The following HDAC9 variants were observed in gnomAD, a reference collection of about 807,000 sequenced individuals.
HDAC9 encodes the protein MEF-2 interacting transcription repressor (MITR) protein.
In HDAC9, 41 loss-of-function variants were observed where a neutral mutation model predicts 139.4. That is an observed-to-expected ratio of 0.29 (90% confidence interval 0.23 to 0.38). The LOEUF is 0.38. HDAC9 is among the 10% of genes least tolerant of loss of function. The pLI is 1.00. For synonymous variants in HDAC9, 517 were observed against 476.2 expected, an observed-to-expected ratio of 1.09 and a Z score of -1.12; for missense variants, 1,147 against 1,297.0, an observed-to-expected ratio of 0.88 and a Z score of 1.78.
chr7:18,984,759 C>G (rs1028042926), intron 25 of HDAC9, among the ~76,000 whole-genome samples: 5 of 152,106 alleles, frequency 3.3e-5, no homozygotes, highest in Non-Finnish European at 7.4e-5. Context: ...TTGAAGGTGA[C>G]TATGTATTGT....
In HDAC9 at chr7:18,783,802, G is replaced by T. The variant is rs78823388; in HGVS notation, c.2215-9543G>T. Among the ~76,000 whole-genome samples, 1,259 of 152,052 alleles carry T rather than the reference G, an allele frequency of 8.3e-3. 15 individuals carry two copies. The highest frequency in any genetic ancestry group is 0.029 in the African/African-American group (1,210 of 41,502). On this transcript the variant is annotated intron_variant, in intron 16 of 25. Transcript: ENST00000686413. ...TACATAGATTTCTCTTAGCTTGGCT[G>T]GGGATTTTTAAGTGAATTATTGTCA...
intron 16 of HDAC9, among the ~76,000 whole-genome samples, chr7:18,784,117 GTAT>G (rs796864616): frequency 1.3e-4 from 13 of 98,530 alleles, no homozygotes; most frequent in East Asian, 1.3e-3. Context: ...GTCTTTCTGG[GTAT>G]TATTATTATT....
intron 23 of HDAC9, among the ~76,000 whole-genome samples, chr7:18,940,448 CAA>C (rs1781951024): frequency 6.6e-6 from 1 of 151,988 alleles, no homozygotes; most frequent in African/African-American, 2.4e-5. Context: ...TTTTTCTTGG[CAA>C]AGTTTAGAAC....
intron 23 of HDAC9, chr7:18,949,475 G>A (rs1336563003): frequency 4.6e-6 from 1 of 218,312 alleles, no homozygotes; most frequent in Non-Finnish European, 9.7e-6. Context: ...ACCATAGGTG[G>A]TGGTATTTCA....
chr7:18,643,895 G>A (rs1231608767), intron 8 of HDAC9, among the ~76,000 whole-genome samples: 2 of 151,902 alleles, frequency 1.3e-5, no homozygotes, highest in African/African-American at 4.8e-5. Flanking sequence ...AACTCTTATT[G>A]TATAAAAGTT....
intron 7 of HDAC9, among the ~76,000 whole-genome samples, chr7:18,631,234 G>A (rs538541739): frequency 7.9e-5 from 12 of 152,108 alleles, no homozygotes; most frequent in African/African-American, 2.6e-4. Flanking sequence ...TCTTAATTTC[G>A]TGAGATAAGC....
chr7:18,890,495 C>T lies in HDAC9; in HGVS notation c.2803+15899C>T, dbSNP rs190194558. Among the ~76,000 whole-genome samples, 27 of 152,240 alleles carry T rather than the reference C, an allele frequency of 1.8e-4. No individual in the cohort carries two copies. In the East Asian group the frequency reaches 4.1e-3, roughly 23 times the overall value. ...GTAACAAGGAGTCAGTTTTGATAGC[C>T]AAGCACACGTAAATAGTACAGGTTT... On this transcript the variant is annotated intron_variant, in intron 22 of 25. Coordinates refer to ENST00000686413, the MANE Select transcript of HDAC9 (RefSeq NM_178425.4).
intron 1 of HDAC9, among the ~76,000 whole-genome samples, chr7:18,122,879 A>G (rs112163696): frequency 1.5e-3 from 226 of 152,288 alleles, no homozygotes; most frequent in African/African-American, 5.1e-3. Flanking sequence ...TCAGCCTCCC[A>G]AAGTGCTCAG....
At chr7:18,993,895 G>A (rs547437458) in intron 25 of HDAC9, among the ~76,000 whole-genome samples, 2 of 152,046 alleles carry the variant, frequency 1.3e-5, no homozygotes, top group Non-Finnish European at 2.9e-5. Flanking sequence ...AGCTATAAGT[G>A]GTTTATTCCA....
chr7:18,550,371 A>G (rs1019992790), intron 2 of HDAC9, among the ~76,000 whole-genome samples: 22 of 152,110 alleles, frequency 1.4e-4, no homozygotes, highest in African/African-American at 4.8e-4. Context: ...GTTCCATTCT[A>G]TGCAATAAAT....
intron 12 of HDAC9, chr7:18,667,341 A>G: frequency 8.1e-6 from 8 of 984,574 alleles, no homozygotes; most frequent in Non-Finnish European, 9.6e-6. Flanking sequence ...ATTATCTGAT[A>G]TCAAGTCAAA....
chr7:18,830,993 A>T (rs1454970152), intron 19 of HDAC9, among the ~76,000 whole-genome samples: 1 of 152,248 alleles, frequency 6.6e-6, no homozygotes, highest in Admixed American at 6.5e-5. Flanking sequence ...TCTTTCTGTA[A>T]GTTCTATGCC....
At chr7:18,233,483 A>G (rs1305340981) in intron 2 of HDAC9, among the ~76,000 whole-genome samples, 1 of 144,336 alleles carries the variant, frequency 6.9e-6, no homozygotes, top group Non-Finnish European at 1.6e-5. Context: ...AAGTTTTCTT[A>G]GAAAACCATT....
upstream of HDAC9, among the ~76,000 whole-genome samples, chr7:18,285,585 T>C (rs1282998309): frequency 6.6e-6 from 1 of 152,074 alleles, no homozygotes; most frequent in Non-Finnish European, 1.5e-5. Context: ...TTTACACTCC[T>C]ACCAGCAGTG....
At chr7:18,613,726 T>TGTG (rs1837806506) in intron 6 of HDAC9, among the ~76,000 whole-genome samples, 1 of 152,138 alleles carries the variant, frequency 6.6e-6, no homozygotes, top group Non-Finnish European at 1.5e-5. Flanking sequence ...GTTATAAAAA[T>TGTG]GTGTATCATC....
At chr7:18,683,983 G>A (rs548795427) in intron 12 of HDAC9, among the ~76,000 whole-genome samples, 343 of 151,958 alleles carry the variant, frequency 2.3e-3, no homozygotes, top group Middle Eastern at 0.02. Flanking sequence ...TAGACCAGGC[G>A]CAGTGGCTCA....
chr7:18,871,217 A>G (rs1798891918), intron 21 of HDAC9, among the ~76,000 whole-genome samples: 1 of 152,132 alleles, frequency 6.6e-6, no homozygotes, highest in Non-Finnish European at 1.5e-5. Flanking sequence ...TTGGCCATTG[A>G]AAGTGCTTTC....
chr7:18,327,625 T>G (rs952556847), intron 1 of HDAC9: 4 of 151,922 alleles, frequency 2.6e-5, no homozygotes, highest in Non-Finnish European at 5.9e-5. Context: ...CTGAGGAACT[T>G]GTTTTTATAT....
intron 12 of HDAC9, among the ~76,000 whole-genome samples, chr7:18,673,407 G>A (rs964710438): frequency 2.0e-5 from 3 of 152,004 alleles, no homozygotes; most frequent in African/African-American, 2.4e-5. Context: ...CCTATTGAAC[G>A]TTTAAATGTG....
Sources: allele counts gnomAD v4.1 joint callset (sites outside exome capture counted in the v4.1 genomes callset), GRCh38; gene constraint gnomAD v4.1.1; transcripts MANE v1.5; gene names NCBI Gene and HGNC (gene_info 2026-07-23, HGNC 2026-07-21).